Variants in ERBB3 observed in about 807,000 individuals in gnomAD.
The protein encoded by ERBB3 is receptor tyrosine-protein kinase erbB-3.
ERBB3 carries 96 observed loss-of-function variants against 156.7 expected under a neutral mutation model. That is an observed-to-expected ratio of 0.61 (90% confidence interval 0.52 to 0.73). The LOEUF (loss-of-function observed/expected upper bound fraction) is 0.73, where lower values mean the gene tolerates loss of function less well. ERBB3 is among the 30% of genes least tolerant of loss of function. ERBB3 has a pLI of 0.00. For missense variants in ERBB3, 1,406 were observed against 1,709.4 expected (o/e 0.82, Z 3.13); for synonymous variants, 567 against 632.0 (o/e 0.90, Z 1.54).
chr12:56,103,206 G>T lies in ERBB3; in HGVS notation c.*1151G>T, dbSNP rs919519619. 1 of 230,098 alleles carries T rather than the reference G, an allele frequency of 4.3e-6. No homozygotes were observed. The highest frequency in any genetic ancestry group is 8.6e-6 in the Non-Finnish European group (1 of 115,834). 14.3% of individuals were successfully genotyped at this position (230,098 alleles called of 1,614,324 possible). Reference sequence around the variant, plus strand: ...CATCTCATCTCAGGAAGTGGTGGTGGGGGTAGTCAGAAGGAAAAATAACTG... The same window carrying T: ...CATCTCATCTCAGGAAGTGGTGGTGTGGGTAGTCAGAAGGAAAAATAACTG... On this transcript the variant is annotated 3_prime_UTR_variant, in exon 28 of 28. Coordinates refer to ENST00000267101, the MANE Select transcript of ERBB3 (RefSeq NM_001982.4).
chr12:56,083,663 G>A lies in ERBB3; in HGVS notation c.83-88G>A, dbSNP rs1262607973. 6 of 1,497,860 alleles carry A rather than the reference G, an allele frequency of 4.0e-6. No homozygotes were observed. The South Asian group carries it at 4.5e-5, about 11-fold the overall frequency. The allele number at this position is 1,497,860 out of a possible 1,614,324, so 92.8% of individuals were successfully genotyped here. On this transcript the variant is annotated intron_variant, in intron 1 of 27. Coordinates refer to ENST00000267101, the MANE Select transcript of ERBB3 (RefSeq NM_001982.4). ...ATCCTGTCTAATGTAACTGGAAGAGGGCAACCAAGGGGGTGATCTTTGGGG... is the reference window on the plus strand; with the variant it reads ...ATCCTGTCTAATGTAACTGGAAGAGAGCAACCAAGGGGGTGATCTTTGGGG...
chr12:56,084,930 G>A lies in ERBB3; in HGVS notation c.235-65G>A. On this transcript the variant is annotated intron_variant, in intron 2 of 27. Coordinates refer to ENST00000267101, the MANE Select transcript of ERBB3 (RefSeq NM_001982.4). ...TAAAGAGTCTTTAATGCCTGAAGGAGGAGAGGAGATTGAGATTATTTTGCC... is the reference window on the plus strand; with the variant it reads ...TAAAGAGTCTTTAATGCCTGAAGGAAGAGAGGAGATTGAGATTATTTTGCC... The A allele has an allele frequency of 2.5e-6, 4 of 1,610,778 alleles. No individual in the cohort carries two copies. The South Asian group carries it at 3.3e-5, about 13-fold the overall frequency.
At chr12:56,082,025 G>C (rs531979247) in intron 1 of ERBB3, among the ~76,000 whole-genome samples, 1 of 152,190 alleles carries the variant, frequency 6.6e-6, no homozygotes, top group East Asian at 1.9e-4. Context: ...CCCCCTGTTT[G>C]TGTAATATGG....
rs1321558038 is a variant in ERBB3 at position 56,099,984 on chromosome 12, C to A, written c.3084C>A (p.Gly1028=). The A allele has an allele frequency of 1.9e-6, 3 of 1,614,238 alleles. No homozygotes were observed. In the African/African-American group the frequency reaches 4.0e-5, roughly 22 times the overall value. The change falls in exon 25 of 28, where the codon GGC becomes GGA. Residue 1028 remains glycine (G), a synonymous_variant. Transcript: ENST00000267101. ...EEDNLATTTL[G]SALSLPVGTL... is the part of the protein sequence containing the mutation. ...ACAACCTGGCAACCACCACACTGGG[C>A]TCCGCCCTCAGCCTACCAGTTGGAA...
chr12:56,093,245 T>A, intron 11 of ERBB3, 100 bp from the exon 12 acceptor site: 1 of 1,222,750 alleles, frequency 8.2e-7, no homozygotes, highest in Admixed American at 1.7e-5. Context: ...TCTCAGTGGA[T>A]CTGACTAGCA....
rs75770904 is a variant in ERBB3 at position 56,096,169 on chromosome 12, GA to G, written c.2056-331del. The G allele has an allele frequency of 0.016, 8,376 of 509,684 alleles. 657 individuals are homozygous for G. In the East Asian group the frequency reaches 0.21, roughly 13 times the overall value. 31.6% of individuals were successfully genotyped at this position (509,684 alleles called of 1,614,324 possible). ...AAGGGTAAAGGGGGATGATGTATGT[GA>G]AAGTGCTTTGGAAAGCACAGAGCAC... On this transcript the variant is annotated intron_variant, in intron 17 of 27. Coordinates refer to ENST00000267101, the MANE Select transcript of ERBB3 (RefSeq NM_001982.4).
intron 3 of ERBB3, among the ~76,000 whole-genome samples, chr12:56,085,925 C>T (rs1345435726): frequency 6.6e-6 from 1 of 150,884 alleles, no homozygotes; most frequent in Non-Finnish European, 1.5e-5. Flanking sequence ...AAAAATTAGC[C>T]AGGTGTGGTG....
intron 9 of ERBB3, among the ~76,000 whole-genome samples, chr12:56,091,869 T>G (rs1420979570): frequency 1.3e-5 from 2 of 152,210 alleles, no homozygotes; most frequent in Non-Finnish European, 2.9e-5. Flanking sequence ...GATAATTTTC[T>G]AATTCCATTA....
In ERBB3 at chr12:56,098,501, C is replaced by G; in HGVS notation, c.2618C>G (p.Thr873Ser). 4.4e-6 allele frequency: 7 copies of G among 1,607,774 alleles called. No individual in the cohort carries two copies. The South Asian group carries it at 6.6e-5, about 15-fold the overall frequency. The change falls in exon 22 of 28, where the codon ACT becomes AGT. Residue 873 changes from threonine to serine, a missense_variant and splice_region_variant. Around this residue, in one of 3 missense-constraint regions of ERBB3, gnomAD observed 979 missense variants for 1,219.6 expected, o/e 0.80. Coordinates refer to ENST00000267101, the MANE Select transcript of ERBB3 (RefSeq NM_001982.4). ...DKQLLYSEAKTPIKWMALESI... is the reference protein window; with the variant it reads ...DKQLLYSEAKSPIKWMALESI... ...GATACCTCTATCTTTAATCCGCAGA[C>G]TCCAATTAAGTGGATGGCCCTTGAG...
intron 19 of ERBB3, 64 bp from the exon 20 acceptor site, chr12:56,096,981 T>C: frequency 6.5e-7 from 1 of 1,536,058 alleles, no homozygotes; most frequent in Non-Finnish European, 9.0e-7. Context: ...CTGGGCTGGC[T>C]GTGCACATGC....
intron 21 of ERBB3, chr12:56,098,217 G>A (rs183131399): frequency 6.5e-4 from 356 of 547,732 alleles, no homozygotes; most frequent in Non-Finnish European, 8.4e-4. Flanking sequence ...ATCCTGGCTA[G>A]CACGGTGAAA....
chr12:56,087,973 TA>T (rs1868543362), intron 6 of ERBB3, 47 bp from the exon 7 acceptor site: 1 of 1,613,698 alleles, frequency 6.2e-7, no homozygotes, highest in African/African-American at 1.3e-5. Flanking sequence ...GAGGAGGAGG[TA>T]GGGGTACACA....
rs998483764 is a variant in ERBB3 at position 56,103,079 on chromosome 12, G to T, written c.*1024G>T. 1.3e-5 allele frequency: 3 copies of T among 230,660 alleles called. No individual in the cohort carries two copies. Among genetic ancestry groups the T allele is most frequent in the African/African-American group, 6.6e-5 (3 of 45,278 alleles). 14.3% of individuals were successfully genotyped at this position (230,660 alleles called of 1,614,324 possible). On this transcript the variant is annotated 3_prime_UTR_variant, in exon 28 of 28. Transcript: ENST00000267101. Reference sequence around the variant, plus strand: ...ATGTGCTCTTATTGTAAGGTGCCAAGAAAAACTGATTTAAGTTACAGCCCT... The same window carrying T: ...ATGTGCTCTTATTGTAAGGTGCCAATAAAAACTGATTTAAGTTACAGCCCT...
Position 56,099,837 on chromosome 12 carries a change from G to A in ERBB3, c.2938-1G>A, listed in dbSNP as rs1343971705. ...CCCCTAACAATCACCTATCGATATAGAGAGAGAGTGGGCCTGGAATAGCCC... is the reference window on the plus strand; with the variant it reads ...CCCCTAACAATCACCTATCGATATAAAGAGAGAGTGGGCCTGGAATAGCCC... On this transcript the variant is annotated splice_acceptor_variant, in intron 24 of 27. Coordinates refer to ENST00000267101, the MANE Select transcript of ERBB3 (RefSeq NM_001982.4). LOFTEE classifies it high-confidence loss of function. 1.2e-6 allele frequency: 2 copies of A among 1,613,948 alleles called. No individual in the cohort carries two copies. Among genetic ancestry groups the A allele is most frequent in the Non-Finnish European group, 1.7e-6 (2 of 1,179,804 alleles).
chr12:56,098,269 A>G (rs1191667440), intron 21 of ERBB3: 1 of 561,046 alleles, frequency 1.8e-6, no homozygotes, highest in Non-Finnish European at 3.2e-6. Context: ...AAAATTAGCC[A>G]GGCGTGGCGG....
chr12:56,085,411 C>T, intron 3 of ERBB3: 1 of 1,435,460 alleles, frequency 7.0e-7, no homozygotes, highest in South Asian at 1.6e-5. Context: ...GGGCTGGAGT[C>T]AGAGCTGGAT....
At chr12:56,091,410 ATT>A (rs200790453) in intron 9 of ERBB3, among the ~76,000 whole-genome samples, 4 of 61,186 alleles carry the variant, frequency 6.5e-5, no homozygotes, top group African/African-American at 1.2e-4. Context: ...ATATATATAT[ATT>A]TTTTTTTTTT....
intron 17 of ERBB3, 136 bp downstream of exon 17, chr12:56,095,942 C>A: frequency 1.1e-6 from 1 of 911,642 alleles, no homozygotes; most frequent in Non-Finnish European, 1.8e-6. Context: ...CCTCCTCTTT[C>A]CCCAGAGATT....
chr12:56,085,826 T>G (rs1431679501), intron 3 of ERBB3, among the ~76,000 whole-genome samples: 1 of 147,658 alleles, frequency 6.8e-6, no homozygotes, highest in Non-Finnish European at 1.5e-5. Context: ...TCCCAGCACT[T>G]TGGGAGGCCA....
Sources: allele counts gnomAD v4.1 joint callset (sites outside exome capture counted in the v4.1 genomes callset), GRCh38; gene constraint gnomAD v4.1.1; regional missense constraint gnomAD v4.1.1; transcripts MANE v1.5; gene names NCBI Gene and HGNC (gene_info 2026-07-23, HGNC 2026-07-21).